The following SORCS3 variants were observed in gnomAD, a reference collection of about 807,000 sequenced individuals.
SORCS3 encodes the protein VPS10 domain-containing receptor SorCS3.
SORCS3 carries 57 observed loss-of-function variants against 146.3 expected under a neutral mutation model. The ratio of observed to expected loss-of-function variants is 0.39; its 90% CI spans 0.31 to 0.49. The LOEUF (loss-of-function observed/expected upper bound fraction) is 0.49, where lower values mean the gene tolerates loss of function less well. Ranked by LOEUF, SORCS3 falls within the 20% of genes least tolerant of loss-of-function variation. SORCS3 has a pLI of 0.92. For synonymous variants in SORCS3, 653 were observed against 618.5 expected, an observed-to-expected ratio of 1.06 and a Z score of -0.83; for missense variants, 1,341 against 1,575.5, an observed-to-expected ratio of 0.85 and a Z score of 2.52.
intron 6 of SORCS3, among the ~76,000 whole-genome samples, chr10:105,099,230 G>A (rs2055766801): frequency 6.6e-6 from 1 of 152,118 alleles, no homozygotes; most frequent in Non-Finnish European, 1.5e-5. Context: ...TTTCATTTGA[G>A]AGTTAATGTT....
intron 7 of SORCS3, among the ~76,000 whole-genome samples, chr10:105,129,801 C>G (rs57378867): frequency 0.014 from 2,089 of 152,158 alleles, 49 homozygotes; most frequent in African/African-American, 0.047. Context: ...AGATAAGTCT[C>G]GAAGCCATTA....
At chr10:105,103,726 C>T (rs532053408) in intron 6 of SORCS3, among the ~76,000 whole-genome samples, 28 of 152,152 alleles carry the variant, frequency 1.8e-4, no homozygotes, top group Non-Finnish European at 3.7e-4. Flanking sequence ...AATACTAGAC[C>T]TAGTCAGATT....
At chr10:104,653,667 A>T (rs10786813) in intron 1 of SORCS3, among the ~76,000 whole-genome samples, 51,214 of 151,782 alleles carry the variant, frequency 0.34, 8,732 homozygotes, top group Admixed American at 0.39. Context: ...AATTTAAAAA[A>T]TTGTTTGTGG....
rs1475423938 is a variant in SORCS3, at chr10:105,147,636, C to T, written c.1322C>T (p.Thr441Ile). 6 of 1,612,426 alleles carry T rather than the reference C, an allele frequency of 3.7e-6. No homozygotes were observed. Among genetic ancestry groups the T allele is most frequent in the Non-Finnish European group, 5.1e-6 (6 of 1,178,888 alleles). ...TTTCAGGACATGCACATCATCAGTA[C>T]AGACGAGAACCAAGTATTTGCTGCG... is the stretch of plus-strand genomic sequence containing the variant. ...SLPKDMHIIS[T>I]DENQVFAAVQ... is the part of the protein sequence containing the mutation. The change falls in exon 9 of 27, where the codon ACA becomes ATA. Residue 441 changes from threonine to isoleucine, a missense_variant. Transcript: ENST00000369701.
chr10:105,163,197 A>C (rs2056281488), intron 11 of SORCS3, among the ~76,000 whole-genome samples: 1 of 152,164 alleles, frequency 6.6e-6, no homozygotes, highest in South Asian at 2.1e-4. Context: ...TGCTGATGGA[A>C]GCTTGACAAG....
At chr10:105,157,463 G>A (rs756091580) in intron 10 of SORCS3, among the ~76,000 whole-genome samples, 179 bp downstream of exon 10, 9 of 152,106 alleles carry the variant, frequency 5.9e-5, no homozygotes, top group Non-Finnish European at 8.8e-5. Context: ...TGGGTGAAAG[G>A]CCCAGTTGAA....
intron 10 of SORCS3, among the ~76,000 whole-genome samples, chr10:105,158,041 A>T (rs2056227378): frequency 6.6e-6 from 1 of 152,198 alleles, no homozygotes; most frequent in African/African-American, 2.4e-5. Context: ...TAAATACAGC[A>T]AATAGCGCTC....
At chr10:105,176,236 T>C (rs755639379) in intron 13 of SORCS3, among the ~76,000 whole-genome samples, 1 of 151,982 alleles carries the variant, frequency 6.6e-6, no homozygotes, top group Non-Finnish European at 1.5e-5. Flanking sequence ...GTATGGTGTT[T>C]GACCTAAAAA....
At chr10:104,726,734 A>G (rs1260059470) in intron 1 of SORCS3, among the ~76,000 whole-genome samples, 1 of 151,910 alleles carries the variant, frequency 6.6e-6, no homozygotes, top group East Asian at 1.9e-4. Flanking sequence ...GTTCCTATTT[A>G]TACATCCTGT....
intron 2 of SORCS3, among the ~76,000 whole-genome samples, chr10:104,886,177 T>C (rs903094909): frequency 6.6e-6 from 1 of 152,118 alleles, no homozygotes; most frequent in African/African-American, 2.4e-5. Context: ...CTGACTTGAT[T>C]TGTGGTTTTA....
chr10:104,848,539 A>G (rs1302915371), intron 2 of SORCS3, among the ~76,000 whole-genome samples: 2 of 152,218 alleles, frequency 1.3e-5, no homozygotes, highest in East Asian at 3.9e-4. Flanking sequence ...TAGTGGAAAC[A>G]AAACTGCAGA....
intron 4 of SORCS3, among the ~76,000 whole-genome samples, chr10:104,977,961 A>G (rs899438513): frequency 8.6e-5 from 13 of 151,368 alleles, no homozygotes; most frequent in African/African-American, 3.1e-4. Context: ...CGATCTCTTA[A>G]CCTCGTGATC....
chr10:104,980,634 G>A (rs577555637), intron 4 of SORCS3, among the ~76,000 whole-genome samples: 59 of 152,214 alleles, frequency 3.9e-4, no homozygotes, highest in Non-Finnish European at 6.5e-4. Flanking sequence ...TGTTTGTGGT[G>A]AGGAGTGAAT....
intron 1 of SORCS3, among the ~76,000 whole-genome samples, chr10:104,697,456 G>A (rs1439690366): frequency 6.6e-6 from 1 of 152,186 alleles, no homozygotes; most frequent in African/African-American, 2.4e-5. Flanking sequence ...CGAGGAAAGG[G>A]TCTGGTGCAC....
rs550586141 is a variant in SORCS3, at chr10:104,697,426, G to C, written c.627+55472G>C. Among the ~76,000 whole-genome samples the C allele has an allele frequency of 2.0e-4, 31 of 152,292 alleles. No homozygotes were observed. In the South Asian group the frequency reaches 4.3e-3, roughly 21 times the overall value. ...AGAGGCTGATTTTTCAGGAGAGATT[G>C]GCTATCATGTAGATTTGGACGAGGA... On this transcript the variant is annotated intron_variant, in intron 1 of 26. Transcript: ENST00000369701.
At chr10:104,677,443 T>C (rs909969486) in intron 1 of SORCS3, among the ~76,000 whole-genome samples, 2 of 152,254 alleles carry the variant, frequency 1.3e-5, no homozygotes, top group South Asian at 4.1e-4. Flanking sequence ...AGAGGTTGAA[T>C]GCAAATGTGT....
intron 6 of SORCS3, among the ~76,000 whole-genome samples, chr10:105,092,608 A>AACACACAC (rs61665816): frequency 0.012 from 1,761 of 147,358 alleles, 27 homozygotes; most frequent in African/African-American, 0.038. Context: ...TGCATTCACA[A>AACACACAC]ACACACACAC....
At chr10:104,958,248 G>C (rs1338106525) in intron 3 of SORCS3, among the ~76,000 whole-genome samples, 1 of 152,074 alleles carries the variant, frequency 6.6e-6, no homozygotes, top group South Asian at 2.1e-4. Context: ...TTAATACTTA[G>C]TAATCAATTG....
chr10:105,135,987 T>G (rs534393447), intron 7 of SORCS3, among the ~76,000 whole-genome samples: 1 of 152,322 alleles, frequency 6.6e-6, no homozygotes, highest in Non-Finnish European at 1.5e-5. Context: ...CGCTGTTTAA[T>G]GCAATATAGG....
Sources: allele counts gnomAD v4.1 joint callset (sites outside exome capture counted in the v4.1 genomes callset), GRCh38; gene constraint gnomAD v4.1.1; transcripts MANE v1.5; gene names NCBI Gene and HGNC (gene_info 2026-07-23, HGNC 2026-07-21).